Variants in ARHGEF26 observed in about 807,000 individuals in gnomAD.
The protein encoded by ARHGEF26 is Rho guanine nucleotide exchange factor (GEF) 26.
Under a neutral mutation model 89.4 loss-of-function variants are expected in ARHGEF26, and 59 were observed. The ratio of observed to expected loss-of-function variants is 0.66; its 90% CI spans 0.54 to 0.82. The LOEUF (loss-of-function observed/expected upper bound fraction) is 0.82. Among genes scored for constraint, ARHGEF26 ranks in the 40% least tolerant of loss-of-function variants. The pLI is 0.00. For synonymous variants in ARHGEF26, 500 were observed against 428.4 expected (o/e 1.17, Z -2.06); for missense variants, 1,234 against 1,085.6 (o/e 1.14, Z -1.92).
intron 6 of ARHGEF26, among the ~76,000 whole-genome samples, chr3:154,176,809 C>CAT (rs758537494): frequency 1.3e-5 from 2 of 151,892 alleles, no homozygotes; most frequent in African/African-American, 4.8e-5. Context: ...TAAAAAAATA[C>CAT]ATATATATAT....
intron 3 of ARHGEF26, among the ~76,000 whole-genome samples, chr3:154,124,947 T>A (rs1392491090): frequency 6.7e-6 from 1 of 149,120 alleles, no homozygotes; most frequent in Non-Finnish European, 1.5e-5. Flanking sequence ...TTAAGACTTT[T>A]CAACCCATGT....
chr3:154,206,875 A>G (rs573790419), intron 9 of ARHGEF26, among the ~76,000 whole-genome samples: 11 of 151,578 alleles, frequency 7.3e-5, no homozygotes, highest in Admixed American at 2.0e-4. Flanking sequence ...CTACAGGGCT[A>G]CAGTATCCAA....
At chr3:154,175,417 A>C (rs357475) in intron 6 of ARHGEF26, among the ~76,000 whole-genome samples, 62,155 of 149,092 alleles carry the variant, frequency 0.42, 14,083 homozygotes, top group Non-Finnish European at 0.52. Flanking sequence ...TCTACGGTTA[A>C]ATTTCAAGCT....
At chr3:154,153,514 C>A (rs1453902506) in intron 6 of ARHGEF26, among the ~76,000 whole-genome samples, 2 of 151,916 alleles carry the variant, frequency 1.3e-5, no homozygotes, top group Non-Finnish European at 2.9e-5. Flanking sequence ...CTCCAGTATT[C>A]AGCTCTTAAG....
At chr3:154,204,396 A>G (rs536921009) in intron 9 of ARHGEF26, among the ~76,000 whole-genome samples, 1 of 134,692 alleles carries the variant, frequency 7.4e-6, no homozygotes, top group South Asian at 2.4e-4. Flanking sequence ...GTGCAGTGGC[A>G]TGATCTTGGT....
intron 6 of ARHGEF26, among the ~76,000 whole-genome samples, chr3:154,185,938 T>C (rs923623822): frequency 6.6e-6 from 1 of 152,278 alleles, no homozygotes; most frequent in South Asian, 2.1e-4. Flanking sequence ...AAATACTTAT[T>C]ATTACCACAC....
intron 11 of ARHGEF26, among the ~76,000 whole-genome samples, chr3:154,226,892 C>T (rs1460279360): frequency 2.0e-5 from 3 of 151,938 alleles, no homozygotes; most frequent in Admixed American, 2.0e-4. Flanking sequence ...CAGGGGTGGT[C>T]CTGGGGTGCA....
At chr3:154,251,658 AG>A (rs532421347) in intron 12 of ARHGEF26, among the ~76,000 whole-genome samples, 14 of 152,220 alleles carry the variant, frequency 9.2e-5, no homozygotes, top group Non-Finnish European at 1.3e-4. Flanking sequence ...GTATCAGAGG[AG>A]CCCCCACTGG....
intron 12 of ARHGEF26, among the ~76,000 whole-genome samples, chr3:154,252,367 T>G: frequency 6.6e-6 from 1 of 152,170 alleles, no homozygotes; most frequent in Non-Finnish European, 1.5e-5. Flanking sequence ...AAAGTATGTG[T>G]GTGGCGGGGC....
chr3:154,162,985 T>C (rs1051716999), intron 6 of ARHGEF26, among the ~76,000 whole-genome samples: 2 of 152,318 alleles, frequency 1.3e-5, no homozygotes, highest in African/African-American at 4.8e-5. Flanking sequence ...AGGTGCTCCT[T>C]CCAATTTTCA....
At chr3:154,144,513 A>C (rs1188320719) in intron 4 of ARHGEF26, among the ~76,000 whole-genome samples, 1 of 152,224 alleles carries the variant, frequency 6.6e-6, no homozygotes, top group Admixed American at 6.5e-5. Context: ...GCTGGCTGCA[A>C]ATGAAGTAAT....
In ARHGEF26 at chr3:154,124,461, ATT is replaced by A. The variant is rs1718203265; in HGVS notation, c.1123+15_1123+16del. The A allele has an allele frequency of 6.5e-7, 1 of 1,539,042 alleles. No individual in the cohort carries two copies. The highest frequency in any genetic ancestry group is 8.7e-7 in the Non-Finnish European group (1 of 1,150,922). Reference sequence around the variant, plus strand: ...ATTTGATGGGGAAGGTAAGCATTTAATTTTCCAAACTTTCATTGCTGTTTCAA... The same window carrying A: ...ATTTGATGGGGAAGGTAAGCATTTAATTCCAAACTTTCATTGCTGTTTCAA... On this transcript the variant is annotated intron_variant, in intron 3 of 14. Coordinates refer to ENST00000465093, the MANE Select transcript of ARHGEF26 (RefSeq NM_015595.4).
In ARHGEF26 at chr3:154,240,419, G is replaced by A; in HGVS notation, c.2140G>A (p.Val714Met). Residue 714 changes from valine (V) to methionine (M), a missense_variant, in exon 12 of 15, where the codon GTG becomes ATG. Transcript: ENST00000465093. ...TTATTCCTTAAGAGATCAGCTATTG[G>A]TGGAATCTTGTGACAATGAAGAGCT... The part of the protein sequence containing the change: ...NDYSLRDQLL[V>M]ESCDNEELNS... The A allele has an allele frequency of 6.2e-7, 1 of 1,613,624 alleles. No individual in the cohort carries two copies. Among genetic ancestry groups the A allele is most frequent in the Non-Finnish European group, 8.5e-7 (1 of 1,179,740 alleles).
intron 3 of ARHGEF26, among the ~76,000 whole-genome samples, chr3:154,125,664 G>A (rs1045813681): frequency 3.3e-5 from 5 of 152,084 alleles, no homozygotes; most frequent in Middle Eastern, 3.2e-3. Flanking sequence ...AAAATTTTTA[G>A]ATTTTTTTTG....
At chr3:154,141,201 G>GT (rs1302386680) in intron 4 of ARHGEF26, among the ~76,000 whole-genome samples, 6 of 151,754 alleles carry the variant, frequency 4.0e-5, no homozygotes, top group African/African-American at 1.5e-4. Flanking sequence ...TCCTGACCTC[G>GT]TTTTCCGCCC....
At chr3:154,221,212 A>T (rs1716105967) in intron 10 of ARHGEF26, among the ~76,000 whole-genome samples, 5 of 152,182 alleles carry the variant, frequency 3.3e-5, no homozygotes, top group Admixed American at 3.3e-4. Flanking sequence ...AATCCAAATG[A>T]TGACAAAGTT....
At chr3:154,161,312 C>CAAATATAAAAAGCATT (rs71152789) in intron 6 of ARHGEF26, among the ~76,000 whole-genome samples, 1 of 151,986 alleles carries the variant, frequency 6.6e-6, no homozygotes, top group Non-Finnish European at 1.5e-5. Context: ...TAAAAAGCCT[C>CAAATATAAAAAGCATT]AAGAAATATC....
At chr3:154,222,756 G>A (rs1716215616) in intron 10 of ARHGEF26, among the ~76,000 whole-genome samples, 1 of 152,138 alleles carries the variant, frequency 6.6e-6, no homozygotes, top group South Asian at 2.1e-4. Context: ...ATGATAACTA[G>A]AGGATTCACA....
chr3:154,167,038 T>A (rs1239383004), intron 6 of ARHGEF26, among the ~76,000 whole-genome samples: 6 of 152,186 alleles, frequency 3.9e-5, no homozygotes, highest in Admixed American at 6.5e-5. Flanking sequence ...TATAATTTTT[T>A]AAAATCTTTG....
Sources: allele counts gnomAD v4.1 joint callset (sites outside exome capture counted in the v4.1 genomes callset), GRCh38; gene constraint gnomAD v4.1.1; transcripts MANE v1.5; gene names NCBI Gene and HGNC (gene_info 2026-07-23, HGNC 2026-07-21).